Variants in MED12L observed in about 807,000 individuals in gnomAD.
MED12L encodes the protein mediator complex subunit 12L, also known as mediator of RNA polymerase II transcription subunit 12-like protein.
A neutral mutation model predicts 281.3 loss-of-function variants in MED12L; 60 were observed. The ratio of observed to expected loss-of-function variants is 0.21; its 90% CI spans 0.17 to 0.26. The LOEUF is 0.26. Ranked by LOEUF, MED12L falls within the 10% of genes least tolerant of loss-of-function variation. The pLI is 1.00. For missense variants in MED12L, 2,146 were observed against 2,680.9 expected (o/e 0.80, Z 4.41); for synonymous variants, 974 against 987.2 (o/e 0.99, Z 0.25).
At chr3:151,119,599 G>A (rs1713423238) in intron 3 of MED12L, among the ~76,000 whole-genome samples, 1 of 152,156 alleles carries the variant, frequency 6.6e-6, no homozygotes, top group African/African-American at 2.4e-5. Flanking sequence ...TAAGGCTTGA[G>A]GATGAATTTT....
In MED12L at chr3:151,262,956, A is replaced by C. The variant is rs1293040401; in HGVS notation, c.2250+69290A>C. ...AGCTGGTAAGGATTTGAGTTGAGGC[A>C]GGGGAAGCCGTAGTTCTCTAGGGCA... On this transcript the variant is annotated intron_variant, in intron 16 of 44. Transcript: ENST00000687756. 2.0e-5 allele frequency among the ~76,000 whole-genome samples: 3 copies of C among 152,192 alleles called. No homozygotes were observed. In the East Asian group the frequency reaches 5.8e-4, roughly 29 times the overall value.
intron 16 of MED12L, among the ~76,000 whole-genome samples, chr3:151,230,826 A>G (rs1731524855): frequency 1.3e-5 from 2 of 152,206 alleles, no homozygotes; most frequent in Non-Finnish European, 2.9e-5. Flanking sequence ...CCAATGCAGA[A>G]GTAGTGACTT....
intron 16 of MED12L, among the ~76,000 whole-genome samples, chr3:151,293,576 T>TACACACACAC (rs55846173): frequency 0.027 from 2,023 of 76,170 alleles, 131 homozygotes; most frequent in Middle Eastern, 0.054. Flanking sequence ...ATGAAGCCCT[T>TACACACACAC]ACACACACAC....
intron 43 of MED12L, among the ~76,000 whole-genome samples, chr3:151,425,001 C>G (rs1342982245): frequency 3.3e-5 from 5 of 152,180 alleles, no homozygotes; most frequent in Non-Finnish European, 7.4e-5. Context: ...CTCTGGTGCC[C>G]TTGGAACCCA....
chr3:151,162,072 T>C (rs1465684969), intron 8 of MED12L, among the ~76,000 whole-genome samples: 1 of 152,192 alleles, frequency 6.6e-6, no homozygotes, highest in Non-Finnish European at 1.5e-5. Context: ...TGGATAAAGA[T>C]GGCAGCTGAG....
intron 16 of MED12L, among the ~76,000 whole-genome samples, chr3:151,274,134 AAAG>A (rs1410453623): frequency 2.0e-5 from 3 of 152,266 alleles, no homozygotes; most frequent in Non-Finnish European, 4.4e-5. Flanking sequence ...TATTCAGAAA[AAAG>A]GCCTCGCTGC....
intron 4 of MED12L, among the ~76,000 whole-genome samples, chr3:151,124,812 A>C (rs570989390): frequency 5.4e-4 from 83 of 152,294 alleles, no homozygotes; most frequent in African/African-American, 1.9e-3. Flanking sequence ...ATAGATTTGG[A>C]AAAGGAGACT....
intron 42 of MED12L, among the ~76,000 whole-genome samples, chr3:151,415,072 A>T (rs1162271037): frequency 6.6e-6 from 1 of 152,242 alleles, no homozygotes; most frequent in African/African-American, 2.4e-5. Context: ...CTCATTTCCA[A>T]ATCACTGAGG....
chr3:151,288,510 A>G (rs948713815), intron 16 of MED12L, among the ~76,000 whole-genome samples: 27 of 152,326 alleles, frequency 1.8e-4, no homozygotes, highest in Admixed American at 9.8e-4. Context: ...AAATATTTGT[A>G]TCTGTTAAAA....
chr3:151,280,335 T>A (rs1742611259), intron 16 of MED12L, among the ~76,000 whole-genome samples: 1 of 152,174 alleles, frequency 6.6e-6, no homozygotes. Flanking sequence ...TGTACTGTTC[T>A]AAACACTCTG....
chr3:151,378,045 C>A lies in MED12L; in HGVS notation c.4350C>A (p.Ala1450=). 6.2e-7 allele frequency: 1 copy of A among 1,610,326 alleles called. No individual in the cohort carries two copies. The highest frequency in any genetic ancestry group is 1.7e-5 in the Admixed American group (1 of 59,700). Residue 1450 remains alanine, a synonymous_variant, in exon 31 of 45, where the codon GCC becomes GCA. Transcript: ENST00000687756. ...SSERRGVWLV[A]PLIARLPTSV... ...AACGCAGGGGTGTATGGTTGGTGGCCCCCCTCATCGCCAGGTTGCCAACTT... is the reference window on the plus strand; with the variant it reads ...AACGCAGGGGTGTATGGTTGGTGGCACCCCTCATCGCCAGGTTGCCAACTT...
Position 151,159,737 on chromosome 3 carries a change from T to TA in MED12L, c.838-94dup, listed in dbSNP as rs920703676. ...TTGCTTTATACCTTTGAAGTTTTTT[T>TA]ATCTTTTTTAAATGAAAAAAAGTCT... On this transcript the variant is annotated intron_variant, in intron 7 of 44. Transcript: ENST00000687756. 33 of 1,250,056 alleles carry TA rather than the reference T, an allele frequency of 2.6e-5. No homozygotes were observed. The African/African-American group carries it at 4.7e-4, about 18-fold the overall frequency. 77.4% of individuals were successfully genotyped at this position (1,250,056 alleles called of 1,614,324 possible).
intron 16 of MED12L, chr3:151,328,741 G>A (rs1437442571): frequency 1.2e-6 from 2 of 1,613,940 alleles, no homozygotes; most frequent in Non-Finnish European, 1.7e-6. Flanking sequence ...AGGGTGCCAG[G>A]TGTGAGTCAG....
chr3:151,314,703 G>A (rs1224263211), intron 16 of MED12L, among the ~76,000 whole-genome samples: 1 of 152,132 alleles, frequency 6.6e-6, no homozygotes, highest in Non-Finnish European at 1.5e-5. Flanking sequence ...TTCCTCTCAA[G>A]CATTCCTGTG....
intron 15 of MED12L, among the ~76,000 whole-genome samples, 188 bp from the exon 16 acceptor site, chr3:151,193,302 C>G (rs1724221514): frequency 6.6e-6 from 1 of 152,170 alleles, no homozygotes; most frequent in Non-Finnish European, 1.5e-5. Flanking sequence ...GGGTGATGCT[C>G]ACAGATTCGT....
chr3:151,221,412 G>A (rs1183108608), intron 16 of MED12L, among the ~76,000 whole-genome samples: 3 of 152,214 alleles, frequency 2.0e-5, no homozygotes, highest in Non-Finnish European at 4.4e-5. Flanking sequence ...TGTATCCAGG[G>A]CATGTCAAAG....
At chr3:151,165,197 C>G (rs1720546081) in intron 9 of MED12L, among the ~76,000 whole-genome samples, 1 of 152,128 alleles carries the variant, frequency 6.6e-6, no homozygotes. Context: ...ACAAATTTTG[C>G]AAGCATTTAT....
chr3:151,408,842 T>C (rs542072673), intron 39 of MED12L, among the ~76,000 whole-genome samples: 1 of 152,336 alleles, frequency 6.6e-6, no homozygotes, highest in African/African-American at 2.4e-5. Context: ...AAAAATTTTA[T>C]ATGCCACCGT....
At chr3:151,408,329 C>G (rs1225251689) in intron 39 of MED12L, among the ~76,000 whole-genome samples, 3 of 152,168 alleles carry the variant, frequency 2.0e-5, no homozygotes, top group African/African-American at 7.2e-5. Flanking sequence ...ATCCCTTTCT[C>G]CCTGCTAGAA....
Sources: gnomAD v4.1 joint callset for allele counts (sites outside exome capture counted in the v4.1 genomes callset) on GRCh38, gnomAD v4.1.1 for gene constraint, MANE v1.5 for transcripts, NCBI Gene and HGNC (gene_info 2026-07-23, HGNC 2026-07-21) for gene names.